ZCCHC17: variants seen among roughly 807,000 people sequenced by gnomAD.
The protein encoded by ZCCHC17 is zinc finger CCHC-type containing 17, also known as zinc finger CCHC domain-containing protein 17.
ZCCHC17 carries 18 observed loss-of-function variants against 30.6 expected under a neutral mutation model. That is an observed-to-expected ratio of 0.59 (90% CI 0.41 to 0.87). The LOEUF (loss-of-function observed/expected upper bound fraction) is 0.87. Ranked by LOEUF, ZCCHC17 falls within the 40% of genes least tolerant of loss-of-function variation. The probability of loss-of-function intolerance (pLI) is 0.00; values close to 1 mark genes in which losing one functional copy is unlikely to be tolerated. For synonymous variants in ZCCHC17, 88 were observed against 92.4 expected, an observed-to-expected ratio of 0.95 and a Z score of 0.27; for missense variants, 263 against 284.2, an observed-to-expected ratio of 0.93 and a Z score of 0.54.
intron 3 of ZCCHC17, among the ~76,000 whole-genome samples, chr1:31,321,360 A>C (rs539163877): frequency 6.6e-6 from 1 of 152,200 alleles, no homozygotes; most frequent in South Asian, 2.1e-4. Flanking sequence ...CATGGTTGTT[A>C]AGTTTCTTGA....
At chr1:31,314,128 G>T (rs1646673467) in intron 2 of ZCCHC17, among the ~76,000 whole-genome samples, 1 of 152,164 alleles carries the variant, frequency 6.6e-6, no homozygotes. Context: ...GCCTCCCAAA[G>T]TGCTGGGATT....
intron 5 of ZCCHC17, 89 bp downstream of exon 5, chr1:31,339,137 C>CGGTA (rs1638935863): frequency 2.3e-6 from 2 of 855,738 alleles, no homozygotes; most frequent in Non-Finnish European, 3.5e-6. Context: ...GTAACTCTAC[C>CGGTA]ATTTATGGAC....
At chr1:31,355,323 A>C (rs990044420) in intron 7 of ZCCHC17, among the ~76,000 whole-genome samples, 1 of 152,154 alleles carries the variant, frequency 6.6e-6, no homozygotes, top group Non-Finnish European at 1.5e-5. Flanking sequence ...AGCATTTAGC[A>C]TCGTTGTCTT....
intron 1 of ZCCHC17, among the ~76,000 whole-genome samples, chr1:31,307,013 T>C (rs9970805): frequency 0.023 from 3,543 of 152,194 alleles, 127 homozygotes; most frequent in African/African-American, 0.08. Flanking sequence ...AATTTTTGTA[T>C]TTTTAGTAGA....
intron 2 of ZCCHC17, among the ~76,000 whole-genome samples, chr1:31,317,728 G>T (rs557686540): frequency 1.3e-5 from 2 of 152,152 alleles, no homozygotes; most frequent in South Asian, 4.2e-4. Context: ...TCAGCCTCTG[G>T]AGTAGCTAGG....
At chr1:31,339,678 G>A (rs1162920978) in intron 5 of ZCCHC17, among the ~76,000 whole-genome samples, 1 of 152,048 alleles carries the variant, frequency 6.6e-6, no homozygotes, top group African/African-American at 2.4e-5. Context: ...TAGCTAATAA[G>A]CATTCATGAA....
rs1488226980 is a variant in ZCCHC17, at chr1:31,334,327, CTCTCTCTCTCTGTGTGTG to C, written c.125-2846_125-2829del. 5.6e-4 allele frequency among the ~76,000 whole-genome samples: 34 copies of C among 60,802 alleles called. 1 individual carries two copies. The highest frequency in any genetic ancestry group is 2.3e-3 in the African/African-American group (33 of 14,552). The allele number at this position is 60,802 out of a possible 152,430, so 39.9% of individuals were successfully genotyped here. A position where few individuals can be genotyped will look rare whatever the true frequency, so the allele number is the denominator to read the frequency against. ...CATCTCTCTCTCTCTCTCTCTCTCT[CTCTCTCTCTCTGTGTGTG>C]TGTGTGTGTGTGTGTGTGTGTGTGT... On this transcript the variant is annotated intron_variant, in intron 3 of 7. Transcript: ENST00000344147.
In ZCCHC17 at chr1:31,364,324, T is replaced by TC. The variant is rs1640049930; in HGVS notation, c.*135dup. On this transcript the variant is annotated 3_prime_UTR_variant, in exon 8 of 8. Coordinates refer to ENST00000344147, the MANE Select transcript of ZCCHC17 (RefSeq NM_016505.4). Reference sequence around the variant, plus strand: ...AACTTCGCTCCCATGGGAGATGGCTTCCCCTCATGCAACAGGCAGGTTTGG... The same window carrying TC: ...AACTTCGCTCCCATGGGAGATGGCTTCCCCCTCATGCAACAGGCAGGTTTGG... The TC allele has an allele frequency of 7.0e-7, 1 of 1,418,458 alleles. No homozygotes were observed. Among genetic ancestry groups the TC allele is most frequent in the Non-Finnish European group, 9.3e-7 (1 of 1,077,608 alleles). The allele number at this position is 1,418,458 out of a possible 1,614,324, so 87.9% of individuals were successfully genotyped here.
intron 7 of ZCCHC17, among the ~76,000 whole-genome samples, chr1:31,361,189 C>T (rs1272042024): frequency 6.6e-6 from 1 of 152,156 alleles, no homozygotes; most frequent in Non-Finnish European, 1.5e-5. Context: ...TGTTATAGCT[C>T]GGTAATGTGG....
chr1:31,331,389 G>A (rs1198204439), intron 3 of ZCCHC17, among the ~76,000 whole-genome samples: 11 of 151,770 alleles, frequency 7.2e-5, no homozygotes, highest in Non-Finnish European at 1.0e-4. Context: ...CAAGTGATCC[G>A]CCCACCTCAG....
rs59616986 is a variant in ZCCHC17, at chr1:31,298,377, G to GTT, written c.-56+1310_-56+1311dup. ...AACACTAGAAGATGATTAGAGACCA[G>GTT]TTTTTTTTTGTTTTTTTTTTTTTTT... is the stretch of plus-strand genomic sequence containing the variant. On this transcript the variant is annotated intron_variant, in intron 1 of 7. Coordinates refer to ENST00000344147, the MANE Select transcript of ZCCHC17 (RefSeq NM_016505.4). 8.2e-4 allele frequency among the ~76,000 whole-genome samples: 120 copies of GTT among 145,652 alleles called. 2 individuals carry two copies. Among genetic ancestry groups the GTT allele is most frequent in the East Asian group, 6.8e-3 (32 of 4,692 alleles).
At chr1:31,357,641 G>T (rs1639692080) in intron 7 of ZCCHC17, among the ~76,000 whole-genome samples, 1 of 152,228 alleles carries the variant, frequency 6.6e-6, no homozygotes, top group Non-Finnish European at 1.5e-5. Flanking sequence ...AATGTATCAA[G>T]TAGTGATAAG....
intron 3 of ZCCHC17, among the ~76,000 whole-genome samples, chr1:31,335,305 C>G (rs1237472945): frequency 6.6e-6 from 1 of 152,098 alleles, no homozygotes; most frequent in Non-Finnish European, 1.5e-5. Flanking sequence ...GGTGGTTCTC[C>G]CAAGGAAAGG....
At position 31,329,315 on chromosome 1, in the gene ZCCHC17, A is replaced by G. The variant is rs148355071; in HGVS notation, c.125-7860A>G. Among the ~76,000 whole-genome samples, 391 of 152,262 alleles carry G rather than the reference A, an allele frequency of 2.6e-3. 4 individuals are homozygous for G. The highest frequency in any genetic ancestry group is 9.1e-3 in the African/African-American group (379 of 41,562). On this transcript the variant is annotated intron_variant, in intron 3 of 7. Transcript: ENST00000344147. ...TAAAACAGCTACATGACTAGTGACTATCTATTAGGCAGTGCAACCCTATAC... is the reference window on the plus strand; with the variant it reads ...TAAAACAGCTACATGACTAGTGACTGTCTATTAGGCAGTGCAACCCTATAC...
At chr1:31,349,268 T>C (rs1334289153) in intron 7 of ZCCHC17, among the ~76,000 whole-genome samples, 2 of 152,148 alleles carry the variant, frequency 1.3e-5, no homozygotes, top group Non-Finnish European at 1.5e-5. Flanking sequence ...TTAGAAATAC[T>C]GAAAAACATA....
chr1:31,345,738 GC>G (rs1639245678), intron 5 of ZCCHC17, among the ~76,000 whole-genome samples: 1 of 151,002 alleles, frequency 6.6e-6, no homozygotes, highest in South Asian at 2.1e-4. Context: ...GGGGAAGCAA[GC>G]ATATCTTCAT....
intron 2 of ZCCHC17, among the ~76,000 whole-genome samples, chr1:31,311,526 A>C (rs536979767): frequency 2.0e-5 from 3 of 152,346 alleles, no homozygotes; most frequent in South Asian, 2.1e-4. Flanking sequence ...TATTTCTCAC[A>C]GTTCTGGAGG....
intron 7 of ZCCHC17, among the ~76,000 whole-genome samples, chr1:31,361,959 G>A (rs992369360): frequency 3.3e-5 from 5 of 151,986 alleles, no homozygotes; most frequent in South Asian, 2.1e-4. Context: ...CTACAGGCCC[G>A]CGTAACCACA....
intron 2 of ZCCHC17, 60 bp downstream of exon 2, chr1:31,310,224 A>G (rs878984358): frequency 1.3e-5 from 21 of 1,572,018 alleles, no homozygotes; most frequent in South Asian, 6.7e-5. Flanking sequence ...AAGGGTGACA[A>G]CTGGGTTTGT....
Sources: gnomAD v4.1 joint callset for allele counts (sites outside exome capture counted in the v4.1 genomes callset) on GRCh38, gnomAD v4.1.1 for gene constraint, MANE v1.5 for transcripts, NCBI Gene and HGNC (gene_info 2026-07-23, HGNC 2026-07-21) for gene names.